Variants in TICRR observed in about 807,000 individuals in gnomAD.
The protein encoded by TICRR is TOPBP1 interacting checkpoint and replication regulator, also known as treslin.
TICRR carries 132 observed loss-of-function variants against 178.1 expected under a neutral mutation model. That is an observed-to-expected ratio of 0.74 (90% confidence interval 0.64 to 0.86). The LOEUF is 0.86. Among genes scored for constraint, TICRR ranks in the 40% least tolerant of loss-of-function variants. The pLI is 0.00. For missense variants in TICRR, 2,587 were observed against 2,334.3 expected, an observed-to-expected ratio of 1.11 and a Z score of -2.23; for synonymous variants, 991 against 900.7, an observed-to-expected ratio of 1.10 and a Z score of -1.79.
chr15:89,576,069 G>C lies in TICRR; in HGVS notation c.483G>C (p.Pro161=). Residue 161 remains proline, a synonymous_variant, in exon 1 of 22, where the codon CCG becomes CCC. Transcript: ENST00000268138. ...CCGTCTTCCTCCTGGCCCCCTGTCC[G>C]CACTCGCAGAGGGAGCTGCTGCAGT... ...VNAVFLLAPC[P]HSQRELLQFV... The C allele has an allele frequency of 6.2e-7, 1 of 1,611,748 alleles. No homozygotes were observed.
intron 5 of TICRR, among the ~76,000 whole-genome samples, chr15:89,593,349 A>G (rs1484794644): frequency 6.6e-6 from 1 of 152,178 alleles, no homozygotes; most frequent in Admixed American, 6.5e-5. Context: ...TTTTAAAATT[A>G]TCTCTAAGTA....
chr15:89,623,327 A>G (rs1230819977), intron 19 of TICRR, among the ~76,000 whole-genome samples: 2 of 152,270 alleles, frequency 1.3e-5, no homozygotes, highest in Non-Finnish European at 2.9e-5. Context: ...GAGTAGCTGC[A>G]GTGGTAGAAT....
intron 17 of TICRR, 35 bp from the exon 18 acceptor site, chr15:89,619,673 G>A: frequency 6.3e-7 from 1 of 1,582,358 alleles, no homozygotes; most frequent in Non-Finnish European, 8.6e-7. Flanking sequence ...GCTTGTAGTT[G>A]TCTTTGGTTA....
Position 89,624,008 on chromosome 15 carries a change from C to G in TICRR, c.3698C>G (p.Thr1233Ser). The part of the protein sequence containing the change: ...PSCPAPPTSS[T>S]AQPRRECLTP... ...TGTCCAGCCCCTCCAACTTCATCGA[C>G]TGCCCAGCCCAGGAGAGAGTGTCTC... is the stretch of plus-strand genomic sequence containing the variant. Residue 1233 changes from threonine to serine, a missense_variant, in exon 20 of 22, where the codon ACT (threonine) becomes AGT (serine). By Grantham distance (58) the Thr-to-Ser change is moderately conservative (BLOSUM62 1). Transcript: ENST00000268138. 6.2e-7 allele frequency: 1 copy of G among 1,614,060 alleles called. No individual in the cohort carries two copies. Among genetic ancestry groups the G allele is most frequent in the Non-Finnish European group, 8.5e-7 (1 of 1,180,018 alleles).
At chr15:89,597,237 G>A (rs1963012376) in intron 7 of TICRR, among the ~76,000 whole-genome samples, 1 of 151,932 alleles carries the variant, frequency 6.6e-6, no homozygotes. Flanking sequence ...TCAAAGATCA[G>A]TGGAGGCCAG....
chr15:89,626,906 G>T (rs750644779), intron 21 of TICRR, 50 bp from the exon 22 acceptor site: 5 of 1,593,402 alleles, frequency 3.1e-6, no homozygotes, highest in African/African-American at 2.7e-5. Flanking sequence ...ATTTTTTTCA[G>T]TTCGGTCCTC....
At chr15:89,621,656 A>G in intron 19 of TICRR, 106 bp downstream of exon 19, 1 of 901,196 alleles carries the variant, frequency 1.1e-6, no homozygotes, top group South Asian at 1.8e-5. Context: ...TGACCTCTAG[A>G]TAATACTAGA....
chr15:89,578,483 C>T (rs1452154032), intron 1 of TICRR, among the ~76,000 whole-genome samples: 1 of 152,142 alleles, frequency 6.6e-6, no homozygotes, highest in East Asian at 1.9e-4. Context: ...GGCAGCCAGT[C>T]AAGCCTTAGA....
Position 89,619,568 on chromosome 15 carries a change from G to C in TICRR, c.3020-140G>C, listed in dbSNP as rs1001435679. 11 of 834,612 alleles carry C rather than the reference G, an allele frequency of 1.3e-5. 1 individual carries two copies. In the South Asian group the frequency reaches 2.0e-4, roughly 15 times the overall value. The allele number at this position is 834,612 out of a possible 1,614,324, so 51.7% of individuals were successfully genotyped here. On this transcript the variant is annotated intron_variant, in intron 17 of 21. Coordinates refer to ENST00000268138, the MANE Select transcript of TICRR (RefSeq NM_152259.4). Reference sequence around the variant, plus strand: ...TCTTAGTTTGTTAAGAGACACTTCAGAAGTCTCTTAAAGCTAATAGCTTGC... The same window carrying C: ...TCTTAGTTTGTTAAGAGACACTTCACAAGTCTCTTAAAGCTAATAGCTTGC...
intron 19 of TICRR, among the ~76,000 whole-genome samples, chr15:89,622,547 T>C (rs1006550703): frequency 3.3e-5 from 5 of 152,196 alleles, no homozygotes; most frequent in Non-Finnish European, 5.9e-5. Flanking sequence ...ATAATCACCT[T>C]TGTTTGGAAA....
intron 2 of TICRR, among the ~76,000 whole-genome samples, chr15:89,583,955 T>C (rs1169401503): frequency 1.3e-5 from 2 of 152,242 alleles, no homozygotes; most frequent in African/African-American, 4.8e-5. Context: ...CCCAAAGTGC[T>C]GAGATTGCAG....
intron 3 of TICRR, among the ~76,000 whole-genome samples, chr15:89,584,890 C>T (rs911843106): frequency 2.6e-5 from 4 of 152,096 alleles, no homozygotes; most frequent in African/African-American, 9.7e-5. Flanking sequence ...AGCTGCTACA[C>T]AGTAAAATTA....
At position 89,596,260 on chromosome 15, in the gene TICRR, C is replaced by T. The variant is rs368644135; in HGVS notation, c.1900+649C>T. On this transcript the variant is annotated intron_variant, in intron 7 of 21. Transcript: ENST00000268138. ...TTACTTTTAATAGTATTTTGTATTC[C>T]TGCTATTTTTAATATTTATGCCTTC... Among the ~76,000 whole-genome samples, 33 of 152,040 alleles carry T rather than the reference C, an allele frequency of 2.2e-4. 1 individual carries two copies. The highest frequency in any genetic ancestry group is 1.7e-3 in the East Asian group (9 of 5,174).
At chr15:89,599,073 A>G (rs1357054024) in intron 7 of TICRR, among the ~76,000 whole-genome samples, 1 of 151,982 alleles carries the variant, frequency 6.6e-6, no homozygotes, top group Non-Finnish European at 1.5e-5. Flanking sequence ...GACTATTGAC[A>G]TTTTAGACCA....
intron 2 of TICRR, among the ~76,000 whole-genome samples, chr15:89,584,035 C>A (rs1962776316): frequency 6.6e-6 from 1 of 152,120 alleles, no homozygotes; most frequent in Non-Finnish European, 1.5e-5. Context: ...AGAAGTTCTG[C>A]CATCACATAT....
chr15:89,599,265 A>T, intron 7 of TICRR, 59 bp from the exon 8 acceptor site: 1 of 1,419,314 alleles, frequency 7.0e-7, no homozygotes, highest in South Asian at 1.4e-5. Context: ...AACTGGCCTA[A>T]GTAATACAAG....
intron 4 of TICRR, 23 bp downstream of exon 4, chr15:89,585,965 AAC>A: frequency 1.9e-6 from 3 of 1,596,612 alleles, no homozygotes; most frequent in Non-Finnish European, 1.7e-6. Context: ...ACTAGTAACT[AAC>A]AGAGTCTAGG....
chr15:89,600,505 T>C (rs1647319503), intron 8 of TICRR, 80 bp from the exon 9 acceptor site: 1 of 593,544 alleles, frequency 1.7e-6, no homozygotes, highest in Admixed American at 3.6e-5. Context: ...GGAATATATT[T>C]CCCTTTAGTC....
At chr15:89,585,406 T>C (rs1173563451) in intron 3 of TICRR, among the ~76,000 whole-genome samples, 1 of 152,174 alleles carries the variant, frequency 6.6e-6, no homozygotes, top group Non-Finnish European at 1.5e-5. Flanking sequence ...AATCCCTCCT[T>C]TATAAAATGG....
Sources: gnomAD v4.1 joint callset for allele counts (sites outside exome capture counted in the v4.1 genomes callset) on GRCh38, gnomAD v4.1.1 for gene constraint, MANE v1.5 for transcripts, NCBI Gene and HGNC (gene_info 2026-07-23, HGNC 2026-07-21) for gene names.